SLC9A9: variants seen among roughly 807,000 people sequenced by gnomAD.
The protein encoded by SLC9A9 is sodium/hydrogen exchanger 9.
SLC9A9 carries 62 observed loss-of-function variants against 77.8 expected under a neutral mutation model. The ratio of observed to expected loss-of-function variants is 0.80; its 90% CI spans 0.65 to 0.98. The LOEUF is 0.98. SLC9A9 is among the 50% of genes least tolerant of loss of function. SLC9A9 has a pLI of 0.00. For synonymous variants in SLC9A9, 320 were observed against 283.5 expected (o/e 1.13, Z -1.29); for missense variants, 775 against 774.9 (o/e 1.00, Z 0.00).
At position 143,519,506 on chromosome 3, in the gene SLC9A9, A is replaced by C. The variant is rs910233815; in HGVS notation, c.1090-24058T>G. On this transcript the variant is annotated intron_variant, in intron 9 of 15. Transcript: ENST00000316549. ...GGTGACCTAGGAATGTACAAGACTT[A>C]ACGATGATTCTGGCTTTTAGTTTGG... 3.9e-5 allele frequency among the ~76,000 whole-genome samples: 6 copies of C among 152,342 alleles called. No homozygotes were observed. In the South Asian group the frequency reaches 1.2e-3, roughly 32 times the overall value.
chr3:143,478,107 T>G (rs1286009144), intron 11 of SLC9A9, among the ~76,000 whole-genome samples: 2 of 152,218 alleles, frequency 1.3e-5, no homozygotes, highest in African/African-American at 4.8e-5. Context: ...CAGTGGAAAC[T>G]TCCATCTCCT....
At chr3:143,614,993 T>C (rs2038080393) in intron 6 of SLC9A9, among the ~76,000 whole-genome samples, 1 of 152,116 alleles carries the variant, frequency 6.6e-6, no homozygotes, top group African/African-American at 2.4e-5. Context: ...TAGGCCCTCA[T>C]GGACACTGGG....
At chr3:143,399,938 T>C (rs1426944733) in intron 12 of SLC9A9, among the ~76,000 whole-genome samples, 1 of 152,154 alleles carries the variant, frequency 6.6e-6, no homozygotes, top group Non-Finnish European at 1.5e-5. Context: ...GTGGTAGACA[T>C]GAAAAATTTG....
intron 6 of SLC9A9, among the ~76,000 whole-genome samples, chr3:143,619,678 A>G (rs562799556): frequency 6.6e-6 from 1 of 152,244 alleles, no homozygotes; most frequent in Admixed American, 6.5e-5. Context: ...GCTCTCATTA[A>G]TCTCCACTCT....
intron 12 of SLC9A9, among the ~76,000 whole-genome samples, chr3:143,434,640 C>T (rs1054638812): frequency 1.6e-4 from 24 of 152,148 alleles, no homozygotes; most frequent in African/African-American, 5.8e-4. Context: ...ACACCTCCGG[C>T]CCATCCCCCC....
intron 4 of SLC9A9, among the ~76,000 whole-genome samples, chr3:143,791,140 A>C (rs952689316): frequency 6.6e-5 from 10 of 152,342 alleles, no homozygotes; most frequent in African/African-American, 2.2e-4. Flanking sequence ...AGATGGATTT[A>C]AAATACTACT....
chr3:143,580,589 T>A (rs1046397369), intron 6 of SLC9A9, among the ~76,000 whole-genome samples: 3 of 152,232 alleles, frequency 2.0e-5, no homozygotes, highest in African/African-American at 4.8e-5. Context: ...ATAAGTTCGA[T>A]GTGCTAATTA....
At chr3:143,742,118 A>G (rs1447962821) in intron 4 of SLC9A9, among the ~76,000 whole-genome samples, 1 of 152,046 alleles carries the variant, frequency 6.6e-6, no homozygotes, top group Non-Finnish European at 1.5e-5. Flanking sequence ...CAGACCCTGC[A>G]CTTGATGGAT....
intron 6 of SLC9A9, 88 bp from the exon 7 acceptor site, chr3:143,578,811 T>A (rs1166672872): frequency 2.0e-6 from 3 of 1,501,534 alleles, no homozygotes; most frequent in Non-Finnish European, 2.8e-6. Context: ...GAGAGGTATC[T>A]TTCCCTGTAA....
intron 6 of SLC9A9, among the ~76,000 whole-genome samples, chr3:143,599,009 C>T (rs775670237): frequency 6.6e-6 from 1 of 152,150 alleles, no homozygotes; most frequent in Non-Finnish European, 1.5e-5. Context: ...ACCCACAGGT[C>T]GCCTCAATCC....
intron 5 of SLC9A9, among the ~76,000 whole-genome samples, chr3:143,685,115 A>G (rs1289708805): frequency 6.6e-6 from 1 of 152,150 alleles, no homozygotes; most frequent in Admixed American, 6.6e-5. Context: ...TAAATATTCT[A>G]GTAGTCTTCT....
chr3:143,704,174 C>T (rs1179208905), intron 4 of SLC9A9, among the ~76,000 whole-genome samples: 1 of 152,184 alleles, frequency 6.6e-6, no homozygotes, highest in East Asian at 1.9e-4. Context: ...TCTGCTCAAA[C>T]TATTCTGAAA....
chr3:143,490,456 A>G (rs898257709), intron 11 of SLC9A9, among the ~76,000 whole-genome samples: 9 of 152,186 alleles, frequency 5.9e-5, no homozygotes, highest in Admixed American at 4.6e-4. Flanking sequence ...CACTTATATG[A>G]GGCTCCTAAA....
chr3:143,462,718 T>C (rs1180700381), intron 12 of SLC9A9, among the ~76,000 whole-genome samples: 2 of 152,238 alleles, frequency 1.3e-5, no homozygotes, highest in South Asian at 2.1e-4. Flanking sequence ...TTGTGATGGA[T>C]GAAGATTTCC....
intron 1 of SLC9A9, among the ~76,000 whole-genome samples, chr3:143,847,159 C>T (rs2009848347): frequency 6.6e-6 from 1 of 152,140 alleles, no homozygotes; most frequent in South Asian, 2.1e-4. Flanking sequence ...GAATCTCAGG[C>T]TTAGGAAAGG....
intron 13 of SLC9A9, among the ~76,000 whole-genome samples, chr3:143,370,561 G>GCA (rs774349568): frequency 1.9e-4 from 10 of 53,520 alleles, no homozygotes; most frequent in Admixed American, 5.6e-4. Context: ...GTATATGCAT[G>GCA]TGCGCGCACA....
At chr3:143,512,935 C>A (rs1576546025) in intron 9 of SLC9A9, among the ~76,000 whole-genome samples, 1 of 152,262 alleles carries the variant, frequency 6.6e-6, no homozygotes, top group Middle Eastern at 3.4e-3. Context: ...ATTAAAAATG[C>A]TTTATTACTA....
At position 143,830,490 on chromosome 3, in the gene SLC9A9, A is replaced by G. The variant is rs1470924105; in HGVS notation, c.378+1529T>C. On this transcript the variant is annotated intron_variant, in intron 2 of 15. Coordinates refer to ENST00000316549, the MANE Select transcript of SLC9A9 (RefSeq NM_173653.4). Reference sequence around the variant, plus strand: ...TGCTGATGAAGGAATAAATATGTGAATAATTCAATAACAAAATTTCTGGTC... The same window carrying G: ...TGCTGATGAAGGAATAAATATGTGAGTAATTCAATAACAAAATTTCTGGTC... 2.0e-5 allele frequency among the ~76,000 whole-genome samples: 3 copies of G among 152,350 alleles called. No homozygotes were observed. In the East Asian group the frequency reaches 5.8e-4, roughly 29 times the overall value.
chr3:143,573,701 G>GA (rs2037307841), intron 8 of SLC9A9, among the ~76,000 whole-genome samples: 1 of 152,098 alleles, frequency 6.6e-6, no homozygotes, highest in South Asian at 2.1e-4. Flanking sequence ...TGCTAACATT[G>GA]AAACCTACTG....
Sources: gnomAD v4.1 joint callset for allele counts (sites outside exome capture counted in the v4.1 genomes callset) on GRCh38, gnomAD v4.1.1 for gene constraint, MANE v1.5 for transcripts, NCBI Gene and HGNC (gene_info 2026-07-23, HGNC 2026-07-21) for gene names.